PLCL1: variants seen among roughly 807,000 people sequenced by gnomAD.
The protein encoded by PLCL1 is phospholipase C like 1 (inactive), also known as inactive phospholipase C-like protein 1.
PLCL1 carries 41 observed loss-of-function variants against 84.4 expected under a neutral mutation model. The ratio of observed to expected loss-of-function variants is 0.49; its 90% confidence interval spans 0.38 to 0.63. PLCL1 has a LOEUF of 0.63. Among genes scored for constraint, PLCL1 ranks in the 30% least tolerant of loss-of-function variants. The pLI, the probability that PLCL1 is intolerant of heterozygous loss-of-function variation, is 0.00. For synonymous variants in PLCL1, 490 were observed against 488.3 expected, an observed-to-expected ratio of 1.00 and a Z score of -0.05; for missense variants, 1,206 against 1,367.8, an observed-to-expected ratio of 0.88 and a Z score of 1.87.
intron 1 of PLCL1, among the ~76,000 whole-genome samples, chr2:198,082,033 A>G (rs530365517): frequency 6.6e-6 from 1 of 152,218 alleles, no homozygotes; most frequent in Non-Finnish European, 1.5e-5. Context: ...ATTAACTTCT[A>G]TATAACACCC....
At chr2:198,095,913 C>T (rs182100561) in intron 3 of PLCL1, among the ~76,000 whole-genome samples, 51 of 152,194 alleles carry the variant, frequency 3.4e-4, no homozygotes, top group Admixed American at 1.7e-3. Context: ...CATGATAGAA[C>T]GAATGACAGT....
chr2:197,998,780 C>T (rs1288781383), intron 1 of PLCL1, among the ~76,000 whole-genome samples: 1 of 152,122 alleles, frequency 6.6e-6, no homozygotes, highest in African/African-American at 2.4e-5. Flanking sequence ...CTTGGATTCA[C>T]CCAATCCAAG....
intron 5 of PLCL1, among the ~76,000 whole-genome samples, chr2:198,105,581 T>C (rs138697702): frequency 1.6e-4 from 23 of 148,102 alleles, no homozygotes; most frequent in African/African-American, 5.2e-4. Context: ...GTACAGCCCA[T>C]GTGTGAGATT....
chr2:198,132,449 G>GT (rs369748976), intron 5 of PLCL1, among the ~76,000 whole-genome samples: 9 of 151,886 alleles, frequency 5.9e-5, no homozygotes, highest in African/African-American at 9.7e-5. Flanking sequence ...TTAAAAATGT[G>GT]TTTTTTTGGG....
At chr2:197,910,193 G>A (rs544058092) in intron 1 of PLCL1, among the ~76,000 whole-genome samples, 2 of 152,182 alleles carry the variant, frequency 1.3e-5, no homozygotes, top group Non-Finnish European at 2.9e-5. Flanking sequence ...AAAAGGAGAT[G>A]GATTTTGGAA....
chr2:198,070,618 T>G (rs1257344550), intron 1 of PLCL1, among the ~76,000 whole-genome samples: 1 of 151,998 alleles, frequency 6.6e-6, no homozygotes, highest in Non-Finnish European at 1.5e-5. Flanking sequence ...AGAAGTGCAT[T>G]GACCATTCTC....
At position 197,885,529 on chromosome 2, in the gene PLCL1, A is replaced by G. The variant is rs142753587; in HGVS notation, c.240+80190A>G. Among the ~76,000 whole-genome samples, 940 of 152,258 alleles carry G rather than the reference A, an allele frequency of 6.2e-3. 10 individuals are homozygous for G. Among genetic ancestry groups the G allele is most frequent in the African/African-American group, 0.022 (899 of 41,546 alleles). ...TGTTTTACCGAGTCCACTGATTCCA[A>G]TGCTAATCTCATCCGGAAACCCTCA... On this transcript the variant is annotated intron_variant, in intron 1 of 5. Coordinates refer to ENST00000428675, the MANE Select transcript of PLCL1 (RefSeq NM_006226.4).
chr2:198,117,809 G>A (rs747989739), intron 5 of PLCL1, among the ~76,000 whole-genome samples: 34 of 151,766 alleles, frequency 2.2e-4, no homozygotes, highest in Non-Finnish European at 1.9e-4. Flanking sequence ...AATGTATATT[G>A]TGTATCCTCT....
At chr2:197,848,671 A>C (rs1452540506) in intron 1 of PLCL1, among the ~76,000 whole-genome samples, 2 of 152,214 alleles carry the variant, frequency 1.3e-5, no homozygotes, top group African/African-American at 4.8e-5. Context: ...CTGATTGAGA[A>C]GGTAAACTAG....
At chr2:198,025,067 T>C (rs1691231234) in intron 1 of PLCL1, among the ~76,000 whole-genome samples, 1 of 152,176 alleles carries the variant, frequency 6.6e-6, no homozygotes, top group Admixed American at 6.5e-5. Flanking sequence ...TTTTAAGAGT[T>C]GTTTTGATTT....
chr2:197,916,370 T>C (rs900087532), intron 1 of PLCL1, among the ~76,000 whole-genome samples: 7 of 152,188 alleles, frequency 4.6e-5, no homozygotes, highest in Non-Finnish European at 8.8e-5. Context: ...CTGGATTCAG[T>C]AGTGGCTCAG....
At chr2:197,871,225 C>G (rs1008753514) in intron 1 of PLCL1, among the ~76,000 whole-genome samples, 1 of 152,042 alleles carries the variant, frequency 6.6e-6, no homozygotes, top group African/African-American at 2.4e-5. Flanking sequence ...TGTACAGTTG[C>G]AGACACATCT....
intron 1 of PLCL1, among the ~76,000 whole-genome samples, chr2:197,936,195 C>G (rs1184248028): frequency 6.8e-6 from 1 of 147,062 alleles, no homozygotes; most frequent in Non-Finnish European, 1.5e-5. Context: ...GATACCGCAT[C>G]TTAGCTATCA....
intron 1 of PLCL1, among the ~76,000 whole-genome samples, chr2:197,850,147 T>G (rs1301633441): frequency 6.6e-6 from 1 of 151,954 alleles, no homozygotes; most frequent in Non-Finnish European, 1.5e-5. Context: ...GATTTAACCT[T>G]TCCAAGGTTT....
intron 1 of PLCL1, among the ~76,000 whole-genome samples, chr2:197,905,579 T>A (rs529709050): frequency 6.6e-6 from 1 of 152,236 alleles, no homozygotes; most frequent in Non-Finnish European, 1.5e-5. Context: ...GTCTTTATAA[T>A]AGAATGATTT....
chr2:198,019,105 C>T (rs1374372384), intron 1 of PLCL1, among the ~76,000 whole-genome samples: 2 of 152,138 alleles, frequency 1.3e-5, no homozygotes, highest in Non-Finnish European at 2.9e-5. Flanking sequence ...CTGGAGTGGA[C>T]CCCCAGCAAA....
chr2:197,820,988 A>G (rs1690804004), intron 1 of PLCL1, among the ~76,000 whole-genome samples: 1 of 152,128 alleles, frequency 6.6e-6, no homozygotes, highest in Non-Finnish European at 1.5e-5. Context: ...ACATTTGAAA[A>G]TGGCTTAAGC....
chr2:197,964,766 C>A (rs1323686739), intron 1 of PLCL1, among the ~76,000 whole-genome samples: 2 of 151,894 alleles, frequency 1.3e-5, no homozygotes, highest in Admixed American at 6.6e-5. Context: ...TCTTTTTATA[C>A]CCTGTTTTTT....
In PLCL1 at chr2:197,888,022, G is replaced by T. The variant is rs150683494; in HGVS notation, c.240+82683G>T. Among the ~76,000 whole-genome samples, 1,492 of 152,038 alleles carry T rather than the reference G, an allele frequency of 9.8e-3. 7 individuals carry two copies. Among genetic ancestry groups the T allele is most frequent in the Non-Finnish European group, 0.017 (1,170 of 67,982 alleles). The stretch of plus-strand genomic sequence containing the variant: ...TAGGGGGATTGTTTGAGCCTGGAAG[G>T]TTGAAGCTGCAGTGAGCTGTGATTG... On this transcript the variant is annotated intron_variant, in intron 1 of 5. Coordinates refer to ENST00000428675, the MANE Select transcript of PLCL1 (RefSeq NM_006226.4).
Sources: gnomAD v4.1 joint callset for allele counts (sites outside exome capture counted in the v4.1 genomes callset) on GRCh38, gnomAD v4.1.1 for gene constraint, MANE v1.5 for transcripts, NCBI Gene and HGNC (gene_info 2026-07-23, HGNC 2026-07-21) for gene names.